MOB3B: variants seen among roughly 807,000 people sequenced by gnomAD.
The protein encoded by MOB3B is MOB kinase activator 3B, also known as MOB kinase activator-like 2B.
MOB3B carries 7 observed loss-of-function variants against 18.7 expected under a neutral mutation model. The ratio of observed to expected loss-of-function variants is 0.37; its 90% CI spans 0.21 to 0.70. MOB3B has a LOEUF of 0.70. Ranked by LOEUF, MOB3B falls within the 30% of genes least tolerant of loss-of-function variation. The probability of loss-of-function intolerance (pLI) is 0.52; values close to 1 mark genes in which losing one functional copy is unlikely to be tolerated. For synonymous variants in MOB3B, 111 were observed against 99.9 expected (o/e 1.11, Z -0.66); for missense variants, 253 against 281.3 (o/e 0.90, Z 0.72).
chr9:27,517,309 A>G (rs1028432787), intron 1 of MOB3B, among the ~76,000 whole-genome samples: 16 of 152,090 alleles, frequency 1.1e-4, no homozygotes, highest in African/African-American at 3.4e-4. Flanking sequence ...GATGATAACT[A>G]TCATTTATTG....
chr9:27,394,687 T>C (rs1821775719), intron 2 of MOB3B, among the ~76,000 whole-genome samples: 1 of 152,206 alleles, frequency 6.6e-6, no homozygotes, highest in South Asian at 2.1e-4. Context: ...TAGAGTCCTT[T>C]ATAAACAAAG....
intron 1 of MOB3B, among the ~76,000 whole-genome samples, chr9:27,457,004 T>C (rs897616945): frequency 6.6e-6 from 1 of 152,238 alleles, no homozygotes; most frequent in East Asian, 1.9e-4. Flanking sequence ...ATAGGTCTAA[T>C]AGATTTATAG....
At chr9:27,514,813 T>C (rs963027392) in intron 1 of MOB3B, among the ~76,000 whole-genome samples, 2 of 152,240 alleles carry the variant, frequency 1.3e-5, no homozygotes, top group African/African-American at 4.8e-5. Flanking sequence ...AGGAACTGCA[T>C]GCCTGTTGGC....
chr9:27,412,014 A>G (rs1182876030), intron 2 of MOB3B, among the ~76,000 whole-genome samples: 1 of 152,176 alleles, frequency 6.6e-6, no homozygotes, highest in Non-Finnish European at 1.5e-5. Context: ...TTAAGATAAA[A>G]AAAGAAGATG....
chr9:27,444,182 G>GGAAA (rs1323809006), intron 2 of MOB3B, among the ~76,000 whole-genome samples: 32 of 132,010 alleles, frequency 2.4e-4, no homozygotes, highest in African/African-American at 6.2e-4. Flanking sequence ...AAAGAAGGAA[G>GGAAA]GAAAGAAAGA....
intron 3 of MOB3B, among the ~76,000 whole-genome samples, chr9:27,333,525 G>A (rs1172200744): frequency 6.6e-6 from 1 of 152,098 alleles, no homozygotes; most frequent in Non-Finnish European, 1.5e-5. Context: ...GCCATTGCTG[G>A]AGTTACTGAA....
chr9:27,493,619 C>T (rs899547678), intron 1 of MOB3B, among the ~76,000 whole-genome samples: 22 of 151,672 alleles, frequency 1.5e-4, no homozygotes, highest in Non-Finnish European at 2.1e-4. Context: ...CCAGCCTGGG[C>T]GACTGAGCGA....
intron 2 of MOB3B, among the ~76,000 whole-genome samples, chr9:27,453,069 G>A (rs1822814227): frequency 6.6e-6 from 1 of 152,090 alleles, no homozygotes; most frequent in Admixed American, 6.6e-5. Flanking sequence ...TTTGCGTTTT[G>A]AACAGAAGGC....
intron 2 of MOB3B, among the ~76,000 whole-genome samples, chr9:27,439,451 T>C (rs1822562562): frequency 6.6e-6 from 1 of 152,188 alleles, no homozygotes; most frequent in South Asian, 2.1e-4. Flanking sequence ...ACACAAATTA[T>C]TGAACCATCT....
intron 2 of MOB3B, among the ~76,000 whole-genome samples, chr9:27,439,945 G>C (rs1465564066): frequency 6.6e-6 from 1 of 152,140 alleles, no homozygotes; most frequent in East Asian, 1.9e-4. Context: ...GGTGGGCCCG[G>C]TGGTGGGGGG....
chr9:27,355,493 CATTT>C (rs1821175270), intron 3 of MOB3B, among the ~76,000 whole-genome samples: 2 of 152,066 alleles, frequency 1.3e-5, no homozygotes, highest in East Asian at 3.9e-4. Context: ...AAATGGGTGA[CATTT>C]ATTATTTTAT....
In MOB3B at chr9:27,440,007, C is replaced by G. The variant is rs535506686; in HGVS notation, c.418+15126G>C. On this transcript the variant is annotated intron_variant, in intron 2 of 3. Transcript: ENST00000262244. The stretch of plus-strand genomic sequence containing the variant: ...CAATGTAAAGCACCTAGTTAACCTA[C>G]AGTGGAGAGAAAATGGTAGACATCA... Among the ~76,000 whole-genome samples the G allele has an allele frequency of 2.0e-5, 3 of 152,258 alleles. No homozygotes were observed. The East Asian group carries it at 5.8e-4, about 29-fold the overall frequency.
chr9:27,477,243 G>A (rs946456760), intron 1 of MOB3B, among the ~76,000 whole-genome samples: 14 of 152,258 alleles, frequency 9.2e-5, no homozygotes, highest in Admixed American at 5.2e-4. Flanking sequence ...CTCTTGCATA[G>A]CCAATCCTGC....
intron 1 of MOB3B, among the ~76,000 whole-genome samples, chr9:27,475,137 A>G (rs1251795041): frequency 6.6e-6 from 1 of 152,242 alleles, no homozygotes; most frequent in Non-Finnish European, 1.5e-5. Context: ...AGAGGCCCAC[A>G]TAGCAAGGAA....
At position 27,382,165 on chromosome 9, in the gene MOB3B, G is replaced by A. The variant is rs560393329; in HGVS notation, c.419-22929C>T. Among the ~76,000 whole-genome samples, 9 of 152,108 alleles carry A rather than the reference G, an allele frequency of 5.9e-5. No individual in the cohort carries two copies. In the South Asian group the frequency reaches 1.7e-3, roughly 28 times the overall value. Reference sequence around the variant, plus strand: ...TGTGTTGACAGCTTGGCATAGTGTCGGGCACTGTAAATGTTATTGTTATTA... The same window carrying A: ...TGTGTTGACAGCTTGGCATAGTGTCAGGCACTGTAAATGTTATTGTTATTA... On this transcript the variant is annotated intron_variant, in intron 2 of 3. Coordinates refer to ENST00000262244, the MANE Select transcript of MOB3B (RefSeq NM_024761.5).
At chr9:27,502,291 A>G (rs1820003713) in intron 1 of MOB3B, among the ~76,000 whole-genome samples, 2 of 152,318 alleles carry the variant, frequency 1.3e-5, no homozygotes, top group South Asian at 4.1e-4. Context: ...CCCACACAAT[A>G]TCAAACCAAA....
rs140530934 is a variant in MOB3B at position 27,358,266 on chromosome 9, G to A, written c.621+768C>T. Among the ~76,000 whole-genome samples the A allele has an allele frequency of 5.6e-4, 85 of 152,188 alleles. 1 individual carries two copies. In the East Asian group the frequency reaches 0.016, roughly 28 times the overall value. Reference sequence around the variant, plus strand: ...GGGGTATAATATAGTACTCAACAGAGCCACTATAAAAAGCTTTGATCAAAG... The same window carrying A: ...GGGGTATAATATAGTACTCAACAGAACCACTATAAAAAGCTTTGATCAAAG... On this transcript the variant is annotated intron_variant, in intron 3 of 3. Transcript: ENST00000262244.
intron 1 of MOB3B, chr9:27,524,164 A>AG (rs1472344833): frequency 1.9e-6 from 1 of 535,646 alleles, no homozygotes; most frequent in Non-Finnish European, 3.0e-6. Context: ...AAAAAAAAAA[A>AG]AAAAAAAGCC....
At chr9:27,464,207 C>G (rs1405252310) in intron 1 of MOB3B, among the ~76,000 whole-genome samples, 1 of 151,582 alleles carries the variant, frequency 6.6e-6, no homozygotes, top group Non-Finnish European at 1.5e-5. Context: ...AAGAAATAGG[C>G]AGGAGGTGGT....
Sources: allele counts gnomAD v4.1 joint callset (sites outside exome capture counted in the v4.1 genomes callset), GRCh38; gene constraint gnomAD v4.1.1; transcripts MANE v1.5; gene names NCBI Gene and HGNC (gene_info 2026-07-23, HGNC 2026-07-21).